Variants in PSD3 observed in about 807,000 individuals in gnomAD.
The protein encoded by PSD3 is PH and SEC7 domain-containing protein 3.
Under a neutral mutation model 105.5 loss-of-function variants are expected in PSD3, and 49 were observed. The observed-to-expected ratio is 0.46, with a 90% CI of 0.37 to 0.59. The LOEUF is 0.59. Among genes scored for constraint, PSD3 ranks in the 20% least tolerant of loss-of-function variants. The pLI is 0.00. For missense variants in PSD3, 1,561 were observed against 1,263.8 expected (o/e 1.24, Z -3.57); for synonymous variants, 557 against 457.8 (o/e 1.22, Z -2.77).
chr8:19,004,882 T>C (rs1481914203), intron 1 of PSD3, among the ~76,000 whole-genome samples: 3 of 152,164 alleles, frequency 2.0e-5, no homozygotes, highest in East Asian at 1.9e-4. Context: ...CCTGCTGCCA[T>C]ACATGTAAGA....
At chr8:18,709,968 G>C (rs1208743807) in intron 9 of PSD3, among the ~76,000 whole-genome samples, 2 of 152,194 alleles carry the variant, frequency 1.3e-5, no homozygotes, top group African/African-American at 4.8e-5. Context: ...TCTCCAGCAA[G>C]GGCACAGAAC....
At chr8:18,615,827 A>G (rs1805619029) in intron 11 of PSD3, among the ~76,000 whole-genome samples, 1 of 152,220 alleles carries the variant, frequency 6.6e-6, no homozygotes. Flanking sequence ...GAAGCCAGGG[A>G]AGGACAGAGC....
At chr8:18,799,416 T>C (rs367912888) in intron 7 of PSD3, 63 bp from the exon 8 acceptor site, 4 of 1,250,946 alleles carry the variant, frequency 3.2e-6, no homozygotes, top group Non-Finnish European at 4.7e-6. Flanking sequence ...TCCACCTTAT[T>C]ATCACTAATA....
chr8:18,815,627 T>TA (rs1360103369), intron 4 of PSD3, among the ~76,000 whole-genome samples: 3 of 152,146 alleles, frequency 2.0e-5, no homozygotes, highest in Admixed American at 1.3e-4. Context: ...TTCAAATTCT[T>TA]ACGACACCTT....
chr8:19,027,460 A>C (rs1827597009), intron 1 of PSD3, among the ~76,000 whole-genome samples: 1 of 152,222 alleles, frequency 6.6e-6, no homozygotes, highest in South Asian at 2.1e-4. Flanking sequence ...TAATTTCTAT[A>C]GTGTAAACCT....
Position 18,872,719 on chromosome 8 carries a change from T to TC in PSD3, c.144_145insG (p.Ser49GlufsTer11), listed in dbSNP as rs1367126023. 2.6e-6 allele frequency: 4 copies of TC among 1,562,134 alleles called. No individual in the cohort carries two copies. In the African/African-American group the frequency reaches 5.5e-5, roughly 21 times the overall value. On this transcript the variant is annotated frameshift_variant, in exon 3 of 16. Coordinates refer to ENST00000327040, the MANE Select transcript of PSD3 (RefSeq NM_015310.4). LOFTEE classifies it high-confidence loss of function. ...GTGACATTTGGTGGGAGTAAAGTGC[T>TC]TCCTCCATGATCACCTGTGAAGAGA...
At chr8:18,986,739 C>G (rs1005382822) in intron 1 of PSD3, among the ~76,000 whole-genome samples, 2 of 152,016 alleles carry the variant, frequency 1.3e-5, no homozygotes, top group African/African-American at 4.8e-5. Context: ...GCTAACGTAG[C>G]CATTTGCAAA....
intron 1 of PSD3, among the ~76,000 whole-genome samples, chr8:18,950,736 A>G (rs1244076377): frequency 6.6e-6 from 1 of 152,134 alleles, no homozygotes; most frequent in East Asian, 1.9e-4. Context: ...ATATATTTAT[A>G]TATACATAAT....
At position 18,818,992 on chromosome 8, in the gene PSD3, G is replaced by C. The variant is rs368892152; in HGVS notation, c.1635-14094C>G. On this transcript the variant is annotated intron_variant, in intron 4 of 15. Transcript: ENST00000327040. ...CATCAGAGACCCTTGATGTGATCCA[G>C]AGGAATTGTGGAGTAATCTGGACAA... is the stretch of plus-strand genomic sequence containing the variant. 9.2e-5 allele frequency among the ~76,000 whole-genome samples: 14 copies of C among 152,224 alleles called. No individual in the cohort carries two copies. In the East Asian group the frequency reaches 9.7e-4, roughly 11 times the overall value.
At chr8:18,688,159 G>T (rs1800768750) in intron 9 of PSD3, among the ~76,000 whole-genome samples, 1 of 152,122 alleles carries the variant, frequency 6.6e-6, no homozygotes, top group South Asian at 2.1e-4. Flanking sequence ...GCTCACTGCA[G>T]CTATGAGCAA....
intron 4 of PSD3, among the ~76,000 whole-genome samples, chr8:18,811,679 C>T (rs1811696397): frequency 6.6e-6 from 1 of 152,098 alleles, no homozygotes; most frequent in Non-Finnish European, 1.5e-5. Flanking sequence ...AAAATAACAG[C>T]ATTCCAAGCC....
chr8:18,537,482 C>T (rs13279660), intron 15 of PSD3, among the ~76,000 whole-genome samples: 135,246 of 152,192 alleles, frequency 0.89, 60,301 homozygotes, highest in South Asian at 0.96. Context: ...CTTCTACTCT[C>T]ATGTGCCTTT....
chr8:18,843,413 A>G (rs1053822944), intron 4 of PSD3, among the ~76,000 whole-genome samples: 3 of 152,092 alleles, frequency 2.0e-5, no homozygotes, highest in Non-Finnish European at 4.4e-5. Flanking sequence ...TAAACATCTG[A>G]GCAAAATTCA....
chr8:18,620,281 A>G (rs1257057156), intron 11 of PSD3, among the ~76,000 whole-genome samples: 2 of 151,578 alleles, frequency 1.3e-5, no homozygotes, highest in Non-Finnish European at 2.9e-5. Flanking sequence ...CATAAAATGT[A>G]TAAAACCAAA....
chr8:18,948,021 C>A (rs60369072), intron 1 of PSD3, among the ~76,000 whole-genome samples: 3,940 of 152,290 alleles, frequency 0.026, 179 homozygotes, highest in African/African-American at 0.09. Flanking sequence ...TAACAACCGA[C>A]TATTATGAGT....
chr8:18,697,025 T>TTGAGCCCAGGGGTC (rs58498258), intron 9 of PSD3, among the ~76,000 whole-genome samples: 136,504 of 151,210 alleles, frequency 0.9, 61,972 homozygotes, highest in Middle Eastern at 0.96. Flanking sequence ...GGAGGATCAC[T>TTGAGCCCAGGGGTC]TGAGCCCAGG....
intron 1 of PSD3, among the ~76,000 whole-genome samples, chr8:19,054,195 G>C (rs528545996): frequency 1.3e-5 from 2 of 152,328 alleles, no homozygotes; most frequent in Admixed American, 1.3e-4. Context: ...AGTCATGTAA[G>C]TGAGGGAGGC....
chr8:18,935,618 G>C (rs1046041518), intron 2 of PSD3, among the ~76,000 whole-genome samples: 1 of 151,248 alleles, frequency 6.6e-6, no homozygotes, highest in Non-Finnish European at 1.5e-5. Context: ...GATCATTTGA[G>C]CCTGGAGGTC....
intron 1 of PSD3, among the ~76,000 whole-genome samples, chr8:18,986,294 C>T (rs1825492396): frequency 6.6e-6 from 1 of 152,036 alleles, no homozygotes; most frequent in African/African-American, 2.4e-5. Context: ...TTGTTTTCGC[C>T]CCTTGGTGTT....
Sources: allele counts gnomAD v4.1 joint callset (sites outside exome capture counted in the v4.1 genomes callset), GRCh38; gene constraint gnomAD v4.1.1; transcripts MANE v1.5; gene names NCBI Gene and HGNC (gene_info 2026-07-23, HGNC 2026-07-21).